SEMA5A: variants seen among roughly 807,000 people sequenced by gnomAD.
SEMA5A encodes semaphorin-5A.
In SEMA5A, 55 loss-of-function variants were observed where a neutral mutation model predicts 135.5. That is an observed-to-expected ratio of 0.41 (90% CI 0.33 to 0.51). The LOEUF (loss-of-function observed/expected upper bound fraction) is 0.51. SEMA5A is among the 20% of genes least tolerant of loss of function. The pLI is 0.37. For synonymous variants in SEMA5A, 580 were observed against 546.5 expected (o/e 1.06, Z -0.85); for missense variants, 1,290 against 1,419.9 (o/e 0.91, Z 1.47).
chr5:9,218,862 C>T (rs1262562434), intron 8 of SEMA5A, among the ~76,000 whole-genome samples: 4 of 152,212 alleles, frequency 2.6e-5, no homozygotes, highest in African/African-American at 9.6e-5. Flanking sequence ...CAAATAATCA[C>T]TCATTTATTC....
At chr5:9,097,993 C>A (rs927358408) in intron 16 of SEMA5A, among the ~76,000 whole-genome samples, 1 of 152,086 alleles carries the variant, frequency 6.6e-6, no homozygotes, top group Admixed American at 6.5e-5. Flanking sequence ...GCTATAATCC[C>A]AGCACTTTGG....
intron 4 of SEMA5A, among the ~76,000 whole-genome samples, chr5:9,330,849 G>A (rs1352002343): frequency 6.6e-6 from 1 of 152,160 alleles, no homozygotes; most frequent in Non-Finnish European, 1.5e-5. Context: ...CTAAAGTGGA[G>A]GTTCATAAAG....
rs144103729 is a variant in SEMA5A at position 9,404,214 on chromosome 5, G to A, written c.-77-24191C>T. 1.9e-3 allele frequency among the ~76,000 whole-genome samples: 282 copies of A among 152,264 alleles called. 1 individual carries two copies. The highest frequency in any genetic ancestry group is 6.6e-3 in the African/African-American group (273 of 41,546). ...CTCTCAAAGTGCTGGGATTACAGGCGTGAGCCACCATGCCTGGCCTGTGAA... is the reference window on the plus strand; with the variant it reads ...CTCTCAAAGTGCTGGGATTACAGGCATGAGCCACCATGCCTGGCCTGTGAA... On this transcript the variant is annotated intron_variant, in intron 2 of 22. Coordinates refer to ENST00000382496, the MANE Select transcript of SEMA5A (RefSeq NM_003966.3).
chr5:9,524,401 G>C (rs551577127), intron 1 of SEMA5A, among the ~76,000 whole-genome samples: 2 of 152,294 alleles, frequency 1.3e-5, no homozygotes, highest in South Asian at 4.1e-4. Flanking sequence ...CATGAAGGCA[G>C]AGACACACAG....
chr5:9,205,402 A>G (rs1176413125), intron 8 of SEMA5A, among the ~76,000 whole-genome samples: 2 of 152,100 alleles, frequency 1.3e-5, no homozygotes, highest in African/African-American at 2.4e-5. Context: ...GTTTGACCCA[A>G]CTCCAGAGGG....
At chr5:9,226,692 A>G (rs1561045626) in intron 7 of SEMA5A, among the ~76,000 whole-genome samples, 177 bp downstream of exon 7, 4 of 152,196 alleles carry the variant, frequency 2.6e-5, no homozygotes, top group Admixed American at 6.5e-5. Flanking sequence ...TATCTAATTG[A>G]TGGTCCTGAT....
At chr5:9,104,103 A>G (rs1452293648) in intron 16 of SEMA5A, among the ~76,000 whole-genome samples, 1 of 152,208 alleles carries the variant, frequency 6.6e-6, no homozygotes, top group Non-Finnish European at 1.5e-5. Context: ...GTGTCATTAA[A>G]TTCTATTTGT....
intron 2 of SEMA5A, among the ~76,000 whole-genome samples, chr5:9,404,374 A>C (rs1756793634): frequency 2.0e-5 from 3 of 152,246 alleles, no homozygotes; most frequent in Admixed American, 2.0e-4. Flanking sequence ...TTAAGAAGAC[A>C]TCAATGATTT....
intron 21 of SEMA5A, among the ~76,000 whole-genome samples, chr5:9,046,542 T>G (rs1006828786): frequency 6.6e-5 from 10 of 152,200 alleles, no homozygotes; most frequent in African/African-American, 2.4e-4. Flanking sequence ...GGCCTAGGTC[T>G]ACGGGGCTCT....
chr5:9,409,051 G>A (rs1048533527), intron 2 of SEMA5A, among the ~76,000 whole-genome samples: 5 of 152,192 alleles, frequency 3.3e-5, no homozygotes, highest in Middle Eastern at 3.4e-3. Flanking sequence ...AAGGGTAGTC[G>A]TTTACCCAAG....
At chr5:9,217,220 A>T (rs1230873457) in intron 8 of SEMA5A, among the ~76,000 whole-genome samples, 1 of 152,204 alleles carries the variant, frequency 6.6e-6, no homozygotes, top group African/African-American at 2.4e-5. Flanking sequence ...AGAGAATCTT[A>T]TTTCTCCTTC....
intron 3 of SEMA5A, among the ~76,000 whole-genome samples, chr5:9,370,684 T>G (rs2126432849): frequency 6.6e-6 from 1 of 152,340 alleles, no homozygotes; most frequent in South Asian, 2.1e-4. Context: ...CTTCATGCAG[T>G]CTTTTTCTGT....
At chr5:9,442,181 G>T (rs185837421) in intron 1 of SEMA5A, among the ~76,000 whole-genome samples, 134 of 152,302 alleles carry the variant, frequency 8.8e-4, no homozygotes, top group African/African-American at 3.2e-3. Context: ...GTTTTGGGGG[G>T]GCTTTAGGCC....
intron 8 of SEMA5A, among the ~76,000 whole-genome samples, chr5:9,217,791 T>C (rs552074647): frequency 6.6e-6 from 1 of 152,364 alleles, no homozygotes; most frequent in East Asian, 1.9e-4. Context: ...CTGTTAATAC[T>C]TGTGATTGCA....
chr5:9,154,394 C>T, intron 12 of SEMA5A, 94 bp downstream of exon 12: 1 of 1,134,314 alleles, frequency 8.8e-7, no homozygotes, highest in Non-Finnish European at 1.3e-6. Flanking sequence ...GCTCTGAGGC[C>T]ATTCAACTTC....
chr5:9,410,853 A>T (rs1208199985), intron 2 of SEMA5A, among the ~76,000 whole-genome samples: 1 of 149,860 alleles, frequency 6.7e-6, no homozygotes, highest in Non-Finnish European at 1.5e-5. Context: ...ACAAAAAAAA[A>T]TTTTAAAGAA....
At chr5:9,237,977 A>G in intron 5 of SEMA5A, 87 bp from the exon 6 acceptor site, 4 of 1,194,672 alleles carry the variant, frequency 3.3e-6, no homozygotes, top group Non-Finnish European at 4.9e-6. Flanking sequence ...ACTGGTAACC[A>G]GATTAGGAAA....
At position 9,168,607 on chromosome 5, in the gene SEMA5A, G is replaced by A. The variant is rs188768027; in HGVS notation, c.1274-13912C>T. ...CTTTCCATATATTAAAACTGCTACA[G>A]GAAAAAACCAATGGGCAGGGATACT... On this transcript the variant is annotated intron_variant, in intron 11 of 22. Coordinates refer to ENST00000382496, the MANE Select transcript of SEMA5A (RefSeq NM_003966.3). Among the ~76,000 whole-genome samples, 8 of 152,294 alleles carry A rather than the reference G, an allele frequency of 5.3e-5. No homozygotes were observed. In the East Asian group the frequency reaches 1.5e-3, roughly 29 times the overall value.
chr5:9,049,395 C>G (rs1736446643), intron 21 of SEMA5A, among the ~76,000 whole-genome samples: 1 of 152,170 alleles, frequency 6.6e-6, no homozygotes, highest in Admixed American at 6.5e-5. Flanking sequence ...CTCCTCCTGA[C>G]CTCACGTGAT....
Sources: allele counts gnomAD v4.1 joint callset (sites outside exome capture counted in the v4.1 genomes callset), GRCh38; gene constraint gnomAD v4.1.1; transcripts MANE v1.5; gene names NCBI Gene and HGNC (gene_info 2026-07-23, HGNC 2026-07-21).